EYS: variants seen among roughly 807,000 people sequenced by gnomAD.
EYS encodes protein eyes shut homolog.
A neutral mutation model predicts 282.1 loss-of-function variants in EYS; 250 were observed. That is an observed-to-expected ratio of 0.89 (90% confidence interval 0.80 to 0.98). The LOEUF (loss-of-function observed/expected upper bound fraction) is 0.98, where lower values mean the gene tolerates loss of function less well. EYS is among the 50% of genes least tolerant of loss of function. The probability of loss-of-function intolerance (pLI) is 0.00; values close to 1 mark genes in which losing one functional copy is unlikely to be tolerated. For missense variants in EYS, 4,016 were observed against 3,709.0 expected (o/e 1.08, Z -2.15); for synonymous variants, 1,355 against 1,282.9 (o/e 1.06, Z -1.20).
intron 18 of EYS, among the ~76,000 whole-genome samples, chr6:64,892,919 C>T (rs753141472): frequency 6.6e-6 from 1 of 152,036 alleles, no homozygotes; most frequent in East Asian, 1.9e-4. Context: ...TTGCTAAACC[C>T]GTGAACATCA....
At chr6:65,442,437 T>C (rs1768369575) in intron 5 of EYS, among the ~76,000 whole-genome samples, 1 of 152,006 alleles carries the variant, frequency 6.6e-6, no homozygotes, top group East Asian at 1.9e-4. Flanking sequence ...CATACTGCTG[T>C]AAACTACTGT....
At chr6:64,702,925 T>C (rs1459967934) in intron 22 of EYS, among the ~76,000 whole-genome samples, 1 of 150,542 alleles carries the variant, frequency 6.6e-6, no homozygotes, top group Admixed American at 6.6e-5. Context: ...AAAAGAAAAA[T>C]TTTTACTGAT....
intron 7 of EYS, among the ~76,000 whole-genome samples, chr6:65,391,232 C>T (rs1193731773): frequency 6.6e-6 from 1 of 152,116 alleles, no homozygotes; most frequent in African/African-American, 2.4e-5. Context: ...TCCCCTATAA[C>T]AATATTGCAG....
intron 22 of EYS, among the ~76,000 whole-genome samples, chr6:64,795,847 C>A (rs1210784539): frequency 2.6e-5 from 4 of 152,156 alleles, no homozygotes; most frequent in African/African-American, 9.7e-5. Flanking sequence ...CATATACATG[C>A]TCAGATCTGC....
At chr6:63,929,909 C>T (rs960863994) in intron 35 of EYS, among the ~76,000 whole-genome samples, 6 of 152,226 alleles carry the variant, frequency 3.9e-5, no homozygotes, top group East Asian at 3.9e-4. Context: ...AATATTTATG[C>T]CTGGTATTTG....
chr6:64,477,085 AAGGCCCTCACACC>A (rs1422371151), intron 26 of EYS, among the ~76,000 whole-genome samples: 1 of 152,148 alleles, frequency 6.6e-6, no homozygotes, highest in East Asian at 1.9e-4. Flanking sequence ...ATGACTCACC[AAGGCCCTCACACC>A]AGCCCCCACA....
At chr6:65,419,773 T>G (rs1001333046) in intron 5 of EYS, among the ~76,000 whole-genome samples, 2 of 151,930 alleles carry the variant, frequency 1.3e-5, no homozygotes, top group African/African-American at 4.8e-5. Context: ...AGTGGTAAAG[T>G]GCATACAGGC....
Position 64,908,309 on chromosome 6 carries a change from G to A in EYS, c.2641+4175C>T, listed in dbSNP as rs1182137283. Among the ~76,000 whole-genome samples the A allele has an allele frequency of 2.6e-5, 4 of 152,220 alleles. No homozygotes were observed. The South Asian group carries it at 8.3e-4, about 32-fold the overall frequency. ...GCCTGACCAGGTGTGTTGCCTTGGC[G>A]GGAACATGGTGGAACCCAGGTGAGG... On this transcript the variant is annotated intron_variant, in intron 16 of 42. Transcript: ENST00000503581.
At chr6:65,563,599 A>G (rs1769148978) in intron 2 of EYS, among the ~76,000 whole-genome samples, 1 of 152,024 alleles carries the variant, frequency 6.6e-6, no homozygotes, top group Non-Finnish European at 1.5e-5. Flanking sequence ...AGAAAACCCC[A>G]CTTTCCAATT....
At chr6:64,029,803 G>A (rs1002524128) in intron 33 of EYS, among the ~76,000 whole-genome samples, 7 of 152,194 alleles carry the variant, frequency 4.6e-5, no homozygotes, top group East Asian at 3.8e-4. Flanking sequence ...GCACTTACCC[G>A]AGCCTTAGAA....
chr6:63,922,329 G>T lies in EYS; in HGVS notation c.7056-57971C>A, dbSNP rs979781570. Among the ~76,000 whole-genome samples the T allele has an allele frequency of 2.0e-5, 3 of 152,174 alleles. No individual in the cohort carries two copies. In the East Asian group the frequency reaches 5.8e-4, roughly 29 times the overall value. On this transcript the variant is annotated intron_variant, in intron 35 of 42. Transcript: ENST00000503581. ...TGTAATCCCAGAACTTTGGGAGGCC[G>T]AAGCAGGCAGATCTCTTGAAGTCAG...
chr6:64,435,035 AC>A (rs2150462795), intron 28 of EYS, among the ~76,000 whole-genome samples: 1 of 152,034 alleles, frequency 6.6e-6, no homozygotes, highest in African/African-American at 2.4e-5. Flanking sequence ...GGAAATTATT[AC>A]CTCGACTGAG....
At chr6:64,658,374 G>T (rs561223100) in intron 22 of EYS, among the ~76,000 whole-genome samples, 2 of 152,184 alleles carry the variant, frequency 1.3e-5, no homozygotes, top group African/African-American at 4.8e-5. Context: ...TCTCCGTCCA[G>T]CATTGTTCTG....
At chr6:64,217,731 A>G (rs901753410) in intron 31 of EYS, among the ~76,000 whole-genome samples, 1 of 152,132 alleles carries the variant, frequency 6.6e-6, no homozygotes, top group African/African-American at 2.4e-5. Context: ...CCTTCTAAAG[A>G]TGGGTATTAA....
chr6:64,554,234 G>C (rs1582888400), intron 26 of EYS, among the ~76,000 whole-genome samples: 2 of 152,142 alleles, frequency 1.3e-5, no homozygotes, highest in East Asian at 3.9e-4. Context: ...CCCTACTTAT[G>C]AATTGAAATT....
At chr6:65,116,999 A>C (rs1183482006) in intron 12 of EYS, among the ~76,000 whole-genome samples, 1 of 152,076 alleles carries the variant, frequency 6.6e-6, no homozygotes, top group Non-Finnish European at 1.5e-5. Flanking sequence ...GAACAGTGGC[A>C]CTTTTCTTTT....
intron 28 of EYS, among the ~76,000 whole-genome samples, chr6:64,411,106 C>T (rs1773875157): frequency 6.6e-6 from 1 of 152,022 alleles, no homozygotes; most frequent in South Asian, 2.1e-4. Context: ...CTGAATCTTC[C>T]TTAAAGGGAT....
At chr6:65,479,263 G>A (rs1341544183) in intron 5 of EYS, among the ~76,000 whole-genome samples, 1 of 152,164 alleles carries the variant, frequency 6.6e-6, no homozygotes, top group Non-Finnish European at 1.5e-5. Flanking sequence ...TAACTCCTTG[G>A]CATATATTTG....
chr6:64,150,420 C>A (rs1431810216), intron 31 of EYS, among the ~76,000 whole-genome samples: 1 of 152,108 alleles, frequency 6.6e-6, no homozygotes, highest in Non-Finnish European at 1.5e-5. Flanking sequence ...AATCACACAA[C>A]AAATATAAGA....
Sources: allele counts gnomAD v4.1 joint callset (sites outside exome capture counted in the v4.1 genomes callset), GRCh38; gene constraint gnomAD v4.1.1; transcripts MANE v1.5; gene names NCBI Gene and HGNC (gene_info 2026-07-23, HGNC 2026-07-21).